The following MICU1 variants were observed in gnomAD, a reference collection of about 807,000 sequenced individuals.
MICU1 encodes the protein calcium uptake protein 1, mitochondrial.
Under a neutral mutation model 56.8 loss-of-function variants are expected in MICU1, and 45 were observed. That is an observed-to-expected ratio of 0.79 (90% CI 0.62 to 1.02). The LOEUF (loss-of-function observed/expected upper bound fraction) is 1.02. Among genes scored for constraint, MICU1 ranks in the 50% least tolerant of loss-of-function variants. The probability of loss-of-function intolerance (pLI) is 0.00; values close to 1 mark genes in which losing one functional copy is unlikely to be tolerated. For synonymous variants in MICU1, 186 were observed against 195.1 expected (o/e 0.95, Z 0.39); for missense variants, 504 against 587.1 (o/e 0.86, Z 1.46).
chr10:72,419,171 A>G (rs771364605), intron 9 of MICU1, among the ~76,000 whole-genome samples: 5 of 152,356 alleles, frequency 3.3e-5, no homozygotes, highest in Non-Finnish European at 7.3e-5. Context: ...TCAAATCAAT[A>G]TCTGGACCAA....
chr10:72,473,759 G>T (rs1395444826), intron 8 of MICU1, among the ~76,000 whole-genome samples: 1 of 152,034 alleles, frequency 6.6e-6, no homozygotes, highest in Non-Finnish European at 1.5e-5. Context: ...AAACGACATT[G>T]AACAAAACAA....
At chr10:72,402,697 A>T (rs1863495061) in intron 10 of MICU1, among the ~76,000 whole-genome samples, 1 of 152,228 alleles carries the variant, frequency 6.6e-6, no homozygotes, top group Admixed American at 6.5e-5. Flanking sequence ...ATTTTTAGAT[A>T]ACCCAAAAAG....
intron 6 of MICU1, chr10:72,477,466 C>T (rs760783560): frequency 2.8e-5 from 42 of 1,506,266 alleles, no homozygotes; most frequent in Admixed American, 9.9e-5. Context: ...AGTAGTACTA[C>T]GGCCAGTAAA....
At chr10:72,461,213 A>G (rs1414928529) in intron 8 of MICU1, among the ~76,000 whole-genome samples, 1 of 152,206 alleles carries the variant, frequency 6.6e-6, no homozygotes, top group Non-Finnish European at 1.5e-5. Context: ...CTATCAATTT[A>G]AGCCTGGCTT....
intron 1 of MICU1, among the ~76,000 whole-genome samples, chr10:72,603,140 C>T (rs1389121644): frequency 6.6e-6 from 1 of 152,074 alleles, no homozygotes; most frequent in Non-Finnish European, 1.5e-5. Context: ...TAATCCCCAG[C>T]ACTTTGGAAG....
chr10:72,569,237 A>ATATATATATATATATTTTTTTTTTTTT, intron 1 of MICU1, among the ~76,000 whole-genome samples: 1 of 34,392 alleles, frequency 2.9e-5, no homozygotes, highest in Non-Finnish European at 5.1e-5. Flanking sequence ...ATATATATAT[A>ATATATATATATATATTTTTTTTTTTTT]TTTTTTTTTT....
chr10:72,569,233 A>ATTTT (rs1231227018), intron 1 of MICU1, among the ~76,000 whole-genome samples: 74 of 40,304 alleles, frequency 1.8e-3, no homozygotes, highest in East Asian at 5.8e-3. Context: ...ATATATATAT[A>ATTTT]TATATTTTTT....
At chr10:72,564,883 C>T (rs1465024656) in intron 2 of MICU1, among the ~76,000 whole-genome samples, 1 of 152,132 alleles carries the variant, frequency 6.6e-6, no homozygotes, top group Non-Finnish European at 1.5e-5. Flanking sequence ...AGCTCACAAG[C>T]AGGAAACAAT....
chr10:72,399,142 C>T (rs185128128), intron 10 of MICU1, among the ~76,000 whole-genome samples: 4 of 152,252 alleles, frequency 2.6e-5, no homozygotes, highest in African/African-American at 4.8e-5. Context: ...GTTCAACATA[C>T]GCAAACCATG....
At chr10:72,370,131 C>CGAT in intron 11 of MICU1, among the ~76,000 whole-genome samples, 1 of 152,168 alleles carries the variant, frequency 6.6e-6, no homozygotes, top group South Asian at 2.1e-4. Context: ...CCCACCTTGG[C>CGAT]CTCCCAAAGT....
intron 4 of MICU1, 132 bp downstream of exon 4, chr10:72,551,047 T>A (rs1401216987): frequency 2.2e-6 from 2 of 899,830 alleles, no homozygotes; most frequent in East Asian, 6.1e-5. Context: ...GCACAATGCC[T>A]GATATTCAAT....
intron 8 of MICU1, among the ~76,000 whole-genome samples, chr10:72,451,942 G>A (rs1865313011): frequency 6.6e-6 from 1 of 152,098 alleles, no homozygotes; most frequent in African/African-American, 2.4e-5. Flanking sequence ...TCTGCTCACT[G>A]AAACCTCCGC....
rs1862207014 is a variant in MICU1, at chr10:72,368,160, C to T, written c.*35G>A. On this transcript the variant is annotated 3_prime_UTR_variant, in exon 12 of 12. Coordinates refer to ENST00000361114, the MANE Select transcript of MICU1 (RefSeq NM_001195518.2). ...GACTCTGCGGAGGGGGTCCAGGGTA[C>T]TGGGGGTGGAGGGGTCCCCTCTTGC... 1 of 1,594,150 alleles carries T rather than the reference C, an allele frequency of 6.3e-7. No homozygotes were observed. The highest frequency in any genetic ancestry group is 8.6e-7 in the Non-Finnish European group (1 of 1,167,008).
chr10:72,435,456 G>A (rs903791826), intron 8 of MICU1, among the ~76,000 whole-genome samples: 2 of 151,354 alleles, frequency 1.3e-5, no homozygotes, highest in African/African-American at 2.4e-5. Flanking sequence ...GCTCTGGTCT[G>A]CAGCTACCAG....
At chr10:72,429,754 G>C (rs968775057) in intron 8 of MICU1, among the ~76,000 whole-genome samples, 1 of 152,174 alleles carries the variant, frequency 6.6e-6, no homozygotes, top group African/African-American at 2.4e-5. Context: ...TATAAGGATA[G>C]TCTTGAGAAT....
Position 72,504,170 on chromosome 10 carries a change from T to C in MICU1, c.652+3985A>G, listed in dbSNP as rs987426989. ...ATATGGAATCAAAAAAGAGCCTGAA[T>C]AGCCAAAGCAATCCTAAGCGAAAAG... On this transcript the variant is annotated intron_variant, in intron 6 of 11. Coordinates refer to ENST00000361114, the MANE Select transcript of MICU1 (RefSeq NM_001195518.2). 3.3e-5 allele frequency among the ~76,000 whole-genome samples: 5 copies of C among 152,208 alleles called. 1 individual carries two copies. The East Asian group carries it at 7.7e-4, about 23-fold the overall frequency.
intron 10 of MICU1, among the ~76,000 whole-genome samples, chr10:72,388,218 G>A (rs1007974564): frequency 1.3e-5 from 2 of 152,232 alleles, no homozygotes; most frequent in Non-Finnish European, 2.9e-5. Flanking sequence ...ACCAATGAGC[G>A]GAGGTGGTGA....
rs1009639946 is a variant in MICU1 at position 72,620,452 on chromosome 10, C to T, written c.-2+5558G>A. On this transcript the variant is annotated intron_variant, in intron 1 of 11. Coordinates refer to ENST00000361114, the MANE Select transcript of MICU1 (RefSeq NM_001195518.2). Reference sequence around the variant, plus strand: ...TCTCCTGCCTCAGCCTCCCAAAGTACTGGGATTACAGGCATGAGCCACTGC... The same window carrying T: ...TCTCCTGCCTCAGCCTCCCAAAGTATTGGGATTACAGGCATGAGCCACTGC... Among the ~76,000 whole-genome samples the T allele has an allele frequency of 5.3e-5, 8 of 152,154 alleles. 1 individual carries two copies. The South Asian group carries it at 1.4e-3, about 28-fold the overall frequency.
rs368887496 is a variant in MICU1 at position 72,533,750 on chromosome 10, C to T, written c.533G>A (p.Gly178Glu). The T allele has an allele frequency of 2.9e-5, 46 of 1,601,846 alleles. No individual in the cohort carries two copies. The highest frequency in any genetic ancestry group is 2.7e-4 in the Admixed American group (16 of 58,880). Reference protein sequence around the residue: ...LDQYIIKRFDGKKISQEREKF... With the variant: ...LDQYIIKRFDEKKISQEREKF... Reference sequence around the variant, plus strand: ...GAAGTGTCATAGTTTGCTCACCTTTCCATCAAAGCGTTTTATTATATATTG... The same window carrying T: ...GAAGTGTCATAGTTTGCTCACCTTTTCATCAAAGCGTTTTATTATATATTG... The change falls in exon 5 of 12, where the codon GGA becomes GAA. Residue 178 changes from glycine to glutamate, a missense_variant. Coordinates refer to ENST00000361114, the MANE Select transcript of MICU1 (RefSeq NM_001195518.2).
Sources: allele counts gnomAD v4.1 joint callset (sites outside exome capture counted in the v4.1 genomes callset), GRCh38; gene constraint gnomAD v4.1.1; transcripts MANE v1.5; gene names NCBI Gene and HGNC (gene_info 2026-07-23, HGNC 2026-07-21).